FERMT2: variants seen among roughly 807,000 people sequenced by gnomAD.
FERMT2 encodes the protein FERM domain containing kindlin 2.
A neutral mutation model predicts 82.7 loss-of-function variants in FERMT2; 15 were observed. The observed-to-expected ratio is 0.18, with a 90% CI of 0.12 to 0.28. The LOEUF is 0.28. Ranked by LOEUF, FERMT2 falls within the 10% of genes least tolerant of loss-of-function variation. The pLI is 1.00. For missense variants in FERMT2, 645 were observed against 809.4 expected (o/e 0.80, Z 2.46); for synonymous variants, 274 against 271.5 (o/e 1.01, Z -0.09).
At chr14:52,930,063 T>A (rs944959410) in intron 2 of FERMT2, among the ~76,000 whole-genome samples, 1 of 152,194 alleles carries the variant, frequency 6.6e-6, no homozygotes, top group Non-Finnish European at 1.5e-5. Context: ...ATACAAGTTT[T>A]ACTAATTTAT....
At chr14:52,904,783 G>T (rs1384049586) in intron 3 of FERMT2, among the ~76,000 whole-genome samples, 2 of 146,532 alleles carry the variant, frequency 1.4e-5, no homozygotes, top group Non-Finnish European at 3.0e-5. Context: ...AAAGGCATAC[G>T]AGACAGGAAA....
At chr14:52,905,630 G>A (rs1887962081) in intron 3 of FERMT2, among the ~76,000 whole-genome samples, 1 of 152,172 alleles carries the variant, frequency 6.6e-6, no homozygotes. Flanking sequence ...TCGAGGTGAT[G>A]AGATGTGTAG....
chr14:52,910,237 CT>C (rs1249301508), intron 3 of FERMT2, among the ~76,000 whole-genome samples: 2 of 152,124 alleles, frequency 1.3e-5, no homozygotes, highest in Non-Finnish European at 2.9e-5. Flanking sequence ...GCATTTTGTG[CT>C]TCTCCATCCC....
chr14:52,860,213 A>T, intron 13 of FERMT2, 128 bp downstream of exon 13: 1 of 664,598 alleles, frequency 1.5e-6, no homozygotes, highest in Non-Finnish European at 2.4e-6. Context: ...ACAGTCTTTG[A>T]ATTCTATTGT....
intron 2 of FERMT2, among the ~76,000 whole-genome samples, chr14:52,920,312 AAAAAC>A (rs777518075): frequency 5.3e-5 from 8 of 152,314 alleles, no homozygotes; most frequent in Middle Eastern, 3.4e-3. Context: ...TGATGTTTCA[AAAAAC>A]AAAACAAAAC....
At chr14:52,863,373 C>T (rs1885072465) in intron 12 of FERMT2, 1 of 152,088 alleles carries the variant, frequency 6.6e-6, no homozygotes, top group Admixed American at 6.6e-5. Flanking sequence ...TAAAATTATT[C>T]CTTAACAAAG....
chr14:52,861,674 C>T (rs1884947670), intron 12 of FERMT2: 1 of 152,562 alleles, frequency 6.6e-6, no homozygotes, highest in Non-Finnish European at 1.5e-5. Flanking sequence ...TGGCATTAGT[C>T]ATTTCCATTT....
intron 3 of FERMT2, among the ~76,000 whole-genome samples, chr14:52,908,697 T>C (rs1162076987): frequency 6.6e-6 from 1 of 152,180 alleles, no homozygotes; most frequent in African/African-American, 2.4e-5. Context: ...CTGTCCTACA[T>C]CTTGCTGGTG....
chr14:52,875,480 G>C lies in FERMT2; in HGVS notation c.964-123C>G, dbSNP rs545361906. On this transcript the variant is annotated intron_variant, in intron 7 of 14. Transcript: ENST00000341590. ...AATTTGAAAAGACAGAAGCGTCTAG[G>C]AACTAGAACGATAGGAAATAAATAC... is the stretch of plus-strand genomic sequence containing the variant. 8.6e-4 allele frequency: 536 copies of C among 625,952 alleles called. 2 individuals carry two copies. The highest frequency in any genetic ancestry group is 1.3e-3 in the Non-Finnish European group (488 of 377,428). 38.8% of individuals were successfully genotyped at this position (625,952 alleles called of 1,614,324 possible).
intron 10 of FERMT2, among the ~76,000 whole-genome samples, chr14:52,869,247 C>G (rs1390173802): frequency 6.6e-6 from 1 of 152,186 alleles, no homozygotes; most frequent in Non-Finnish European, 1.5e-5. Flanking sequence ...TTAAGAGTTT[C>G]AGGTAAATTA....
chr14:52,913,181 C>T, intron 3 of FERMT2, among the ~76,000 whole-genome samples: 1 of 152,244 alleles, frequency 6.6e-6, no homozygotes, highest in Middle Eastern at 3.4e-3. Flanking sequence ...TGTCAACATT[C>T]TAGTGAAATA....
intron 4 of FERMT2, chr14:52,881,822 T>C (rs62003529): frequency 7.7e-7 from 1 of 1,292,416 alleles, no homozygotes. Context: ...GTAAAGAACA[T>C]CAGTGCCTAT....
At chr14:52,940,771 A>G (rs1890054341) in intron 2 of FERMT2, among the ~76,000 whole-genome samples, 1 of 152,086 alleles carries the variant, frequency 6.6e-6, no homozygotes, top group Non-Finnish European at 1.5e-5. Context: ...AATCACAATG[A>G]GATAGTACTA....
intron 12 of FERMT2, chr14:52,861,042 T>C (rs1490806401): frequency 6.6e-7 from 1 of 1,504,798 alleles, no homozygotes; most frequent in African/African-American, 1.4e-5. Flanking sequence ...TGGCTGTAGA[T>C]GGCAATGCGA....
intron 3 of FERMT2, among the ~76,000 whole-genome samples, chr14:52,913,488 T>C (rs1438688243): frequency 3.9e-5 from 6 of 152,162 alleles, no homozygotes; most frequent in African/African-American, 1.2e-4. Context: ...CTAGGAGACA[T>C]TTTCTGATGT....
chr14:52,915,272 A>G (rs1888553874), intron 3 of FERMT2, among the ~76,000 whole-genome samples: 1 of 152,236 alleles, frequency 6.6e-6, no homozygotes, highest in South Asian at 2.1e-4. Context: ...AGAAATTAAC[A>G]AACTGTTTCA....
At chr14:52,940,098 A>G (rs1049993005) in intron 2 of FERMT2, among the ~76,000 whole-genome samples, 1 of 152,182 alleles carries the variant, frequency 6.6e-6, no homozygotes, top group African/African-American at 2.4e-5. Flanking sequence ...ATATCTGAGA[A>G]AAGACTCCCT....
chr14:52,945,570 T>A (rs1488147945), intron 2 of FERMT2, among the ~76,000 whole-genome samples: 2 of 152,184 alleles, frequency 1.3e-5, no homozygotes, highest in Non-Finnish European at 1.5e-5. Context: ...TCAATCTTTC[T>A]AAAGCAACTT....
At chr14:52,926,081 C>T (rs1340798087) in intron 2 of FERMT2, among the ~76,000 whole-genome samples, 2 of 152,184 alleles carry the variant, frequency 1.3e-5, no homozygotes, top group Admixed American at 6.5e-5. Flanking sequence ...AGATTTCAGA[C>T]ATCCACACAT....
Sources: gnomAD v4.1 joint callset for allele counts (sites outside exome capture counted in the v4.1 genomes callset) on GRCh38, gnomAD v4.1.1 for gene constraint, MANE v1.5 for transcripts, NCBI Gene and HGNC (gene_info 2026-07-23, HGNC 2026-07-21) for gene names.